Variants in COL13A1 observed in about 807,000 individuals in gnomAD.
COL13A1 encodes collagen alpha-1(XIII) chain.
In COL13A1, 89 loss-of-function variants were observed where a neutral mutation model predicts 130.9. The observed-to-expected ratio is 0.68, with a 90% CI of 0.57 to 0.81. COL13A1 has a LOEUF of 0.81. COL13A1 is among the 30% of genes least tolerant of loss of function. The pLI is 0.00. For missense variants in COL13A1, 879 were observed against 934.6 expected, an observed-to-expected ratio of 0.94 and a Z score of 0.78; for synonymous variants, 402 against 341.6, an observed-to-expected ratio of 1.18 and a Z score of -1.95.
At chr10:69,814,001 G>A (rs1843745770) in intron 1 of COL13A1, among the ~76,000 whole-genome samples, 2 of 152,208 alleles carry the variant, frequency 1.3e-5, no homozygotes, top group Non-Finnish European at 2.9e-5. Context: ...AAGTAATTCG[G>A]TTGGAGTGTG....
At chr10:69,818,867 C>G (rs1466854431) in intron 1 of COL13A1, among the ~76,000 whole-genome samples, 1 of 152,222 alleles carries the variant, frequency 6.6e-6, no homozygotes, top group Non-Finnish European at 1.5e-5. Flanking sequence ...AATTCCAGTG[C>G]TAATCGACAT....
At chr10:69,854,173 A>G (rs1017131860) in intron 2 of COL13A1, among the ~76,000 whole-genome samples, 1 of 152,166 alleles carries the variant, frequency 6.6e-6, no homozygotes, top group Non-Finnish European at 1.5e-5. Context: ...TCTTCAGCCT[A>G]CATGGTATGG....
At chr10:69,826,561 G>A (rs980365891) in intron 2 of COL13A1, among the ~76,000 whole-genome samples, 3 of 152,198 alleles carry the variant, frequency 2.0e-5, no homozygotes, top group African/African-American at 7.2e-5. Context: ...GCTGGTGAGG[G>A]GTGCATGAAG....
chr10:69,950,572 CA>C (rs2069370375), intron 38 of COL13A1, among the ~76,000 whole-genome samples: 1 of 152,150 alleles, frequency 6.6e-6, no homozygotes. Flanking sequence ...GAGAGTTTAC[CA>C]GGGGGCTTCC....
chr10:69,936,538 T>A (rs1300135604), intron 32 of COL13A1, among the ~76,000 whole-genome samples: 1 of 152,136 alleles, frequency 6.6e-6, no homozygotes, highest in Non-Finnish European at 1.5e-5. Flanking sequence ...CAGAGAGATT[T>A]TCTGTGAGCC....
rs1317783991 is a variant in COL13A1, at chr10:69,898,681, T to A, written c.685-16T>A. On this transcript the variant is annotated splice_polypyrimidine_tract_variant and intron_variant, in intron 13 of 40. Transcript: ENST00000645393. ...GGCCTTTGCCCTCTGGCCCTCCAAC[T>A]CATCTTTCTCCTCAGCTGCTGCCTC... The A allele has an allele frequency of 6.2e-7, 1 of 1,611,368 alleles. No individual in the cohort carries two copies. The highest frequency in any genetic ancestry group is 1.1e-5 in the South Asian group (1 of 90,430).
At chr10:69,903,646 T>C (rs2062431592) in intron 15 of COL13A1, among the ~76,000 whole-genome samples, 1 of 152,254 alleles carries the variant, frequency 6.6e-6, no homozygotes, top group South Asian at 2.1e-4. Context: ...AAAATGCTTT[T>C]TAAATAATGT....
rs1326149622 is a variant in COL13A1 at position 69,940,854 on chromosome 10, T to C, written c.1879-134T>C. The C allele has an allele frequency of 4.1e-6, 5 of 1,206,840 alleles. No homozygotes were observed. In the East Asian group the frequency reaches 9.5e-5, roughly 23 times the overall value. The allele number at this position is 1,206,840 out of a possible 1,614,324, so 74.8% of individuals were successfully genotyped here. On this transcript the variant is annotated intron_variant, in intron 34 of 40. Coordinates refer to ENST00000645393, the MANE Select transcript of COL13A1 (RefSeq NM_001368882.1). ...TGTCCTCCCAAGCTTATTTCTCCAG[T>C]TGTGTTTGATTACCAGCATTTATGT...
intron 2 of COL13A1, among the ~76,000 whole-genome samples, chr10:69,842,934 C>T (rs191944136): frequency 2.6e-5 from 4 of 152,340 alleles, no homozygotes; most frequent in Non-Finnish European, 4.4e-5. Flanking sequence ...GGTCTACACT[C>T]GTGGAAGTTG....
At chr10:69,927,149 CGG>C (rs3215785) in intron 27 of COL13A1, 39 bp downstream of exon 27, 1 of 1,612,698 alleles carries the variant, frequency 6.2e-7, no homozygotes, top group Admixed American at 1.7e-5. Context: ...GGGCACTGGA[CGG>C]GGGGGCTGGG....
chr10:69,894,721 C>T lies in COL13A1; in HGVS notation c.657+20C>T. Reference sequence around the variant, plus strand: ...GAAAAGGTAAGAGCAGTGGAGGTTTCCTAGAGTCTCCATCTCAGGAAATGG... The same window carrying T: ...GAAAAGGTAAGAGCAGTGGAGGTTTTCTAGAGTCTCCATCTCAGGAAATGG... On this transcript the variant is annotated intron_variant, in intron 12 of 40. Coordinates refer to ENST00000645393, the MANE Select transcript of COL13A1 (RefSeq NM_001368882.1). 1 of 1,613,804 alleles carries T rather than the reference C, an allele frequency of 6.2e-7. No homozygotes were observed. The highest frequency in any genetic ancestry group is 8.5e-7 in the Non-Finnish European group (1 of 1,179,814).
Position 69,902,746 on chromosome 10 carries a change from A to G in COL13A1, c.751-2A>G, listed in dbSNP as rs1248824489. On this transcript the variant is annotated splice_acceptor_variant, in intron 14 of 40. Transcript: ENST00000645393. LOFTEE classifies it high-confidence loss of function. ...TCTAACATTCGTTTCCATGAACCTC[A>G]GGGCGAACAGAGCCAGGCCAGCATC... The G allele has an allele frequency of 6.5e-7, 1 of 1,547,958 alleles. No individual in the cohort carries two copies. The highest frequency in any genetic ancestry group is 8.7e-7 in the Non-Finnish European group (1 of 1,146,278).
At chr10:69,807,881 G>A (rs978728087) in intron 1 of COL13A1, among the ~76,000 whole-genome samples, 3 of 152,160 alleles carry the variant, frequency 2.0e-5, no homozygotes, top group African/African-American at 7.2e-5. Flanking sequence ...GGTGTGCCCT[G>A]CTCTCCATTC....
chr10:69,905,672 G>A, intron 16 of COL13A1, 115 bp from the exon 17 acceptor site: 2 of 1,130,842 alleles, frequency 1.8e-6, no homozygotes, highest in East Asian at 5.1e-5. Flanking sequence ...TGTTGAAGGG[G>A]CAGTGGAACT....
intron 10 of COL13A1, 109 bp downstream of exon 10, chr10:69,889,549 G>A: frequency 1.4e-6 from 2 of 1,400,570 alleles, no homozygotes; most frequent in Non-Finnish European, 2.0e-6. Context: ...AGGAATGGCT[G>A]TCCATGCTGG....
chr10:69,902,772 C>A lies in COL13A1; in HGVS notation c.775C>A (p.Gln259Lys). 6.4e-7 allele frequency: 1 copy of A among 1,555,124 alleles called. No individual in the cohort carries two copies. Among genetic ancestry groups the A allele is most frequent in the Non-Finnish European group, 8.7e-7 (1 of 1,149,294 alleles). The change falls in exon 15 of 41, where the codon CAA (glutamine) becomes AAA (lysine). Residue 259 changes from glutamine (Q) to lysine (K), a missense_variant. Around this residue, in one of 3 missense-constraint regions of COL13A1, gnomAD observed 715 missense variants for 721.0 expected, o/e 0.99. Transcript: ENST00000645393. Reference protein sequence around the residue: ...FQGEQSQASIQGPPGPPGPPG... With the variant: ...FQGEQSQASIKGPPGPPGPPG... ...GGGCGAACAGAGCCAGGCCAGCATC[C>A]AAGGTCCACCAGGGCCCCCAGGCCC...
intron 2 of COL13A1, among the ~76,000 whole-genome samples, chr10:69,855,163 T>C (rs377143171): frequency 2.0e-5 from 3 of 152,236 alleles, no homozygotes; most frequent in African/African-American, 7.2e-5. Flanking sequence ...CAGTGCCCAG[T>C]CTACTGCTGG....
intron 39 of COL13A1, 108 bp from the exon 40 acceptor site, chr10:69,956,896 C>T (rs2136454585): frequency 1.2e-6 from 1 of 818,082 alleles, no homozygotes; most frequent in Non-Finnish European, 2.1e-6. Flanking sequence ...GGGTGGGCCA[C>T]ATCCTGATCA....
chr10:69,818,547 A>G (rs1443825642), intron 1 of COL13A1, among the ~76,000 whole-genome samples: 1 of 152,212 alleles, frequency 6.6e-6, no homozygotes, highest in Non-Finnish European at 1.5e-5. Context: ...GTGATTATGG[A>G]GATGAGAAGT....
Sources: gnomAD v4.1 joint callset for allele counts (sites outside exome capture counted in the v4.1 genomes callset) on GRCh38, gnomAD v4.1.1 for gene constraint, gnomAD v4.1.1 regional missense constraint, MANE v1.5 for transcripts, NCBI Gene and HGNC (gene_info 2026-07-23, HGNC 2026-07-21) for gene names.